The following XKR4 variants were observed in gnomAD, a reference collection of about 807,000 sequenced individuals.
XKR4 encodes XK related 4, also known as XK-related protein 4.
XKR4 carries 12 observed loss-of-function variants against 53.9 expected under a neutral mutation model. The ratio of observed to expected loss-of-function variants is 0.22; its 90% confidence interval spans 0.14 to 0.36. XKR4 has a LOEUF of 0.36. XKR4 is among the 10% of genes least tolerant of loss of function. The pLI is 1.00. For synonymous variants in XKR4, 354 were observed against 362.4 expected, an observed-to-expected ratio of 0.98 and a Z score of 0.26; for missense variants, 799 against 859.5, an observed-to-expected ratio of 0.93 and a Z score of 0.88.
chr8:55,169,588 A>T (rs569184145), intron 1 of XKR4, among the ~76,000 whole-genome samples: 6 of 152,356 alleles, frequency 3.9e-5, no homozygotes, highest in African/African-American at 1.2e-4. Context: ...CCACAAAACC[A>T]TCATGACAGC....
chr8:55,283,897 C>A (rs76730472), intron 1 of XKR4, among the ~76,000 whole-genome samples: 1 of 152,148 alleles, frequency 6.6e-6, no homozygotes, highest in African/African-American at 2.4e-5. Flanking sequence ...ACAAAGGAAG[C>A]AATTGCCCTT....
At chr8:55,138,523 A>C (rs2129353897) in intron 1 of XKR4, among the ~76,000 whole-genome samples, 1 of 152,368 alleles carries the variant, frequency 6.6e-6, no homozygotes, top group African/African-American at 2.4e-5. Context: ...TATTAATATA[A>C]CAGTGGTTGC....
intron 2 of XKR4, chr8:55,449,672 G>GCCTCAA (rs1554526620): frequency 1.1e-6 from 1 of 894,202 alleles, no homozygotes; most frequent in East Asian, 2.4e-5. Context: ...AGGTGCCACA[G>GCCTCAA]CCTCCACCTC....
Position 55,531,617 on chromosome 8 carries a change from A to C in XKR4, c.*7390A>C, listed in dbSNP as rs1159273415. 1.3e-5 allele frequency: 2 copies of C among 152,224 alleles called. No individual in the cohort carries two copies. The highest frequency in any genetic ancestry group is 2.9e-5 in the Non-Finnish European group (2 of 68,034). The allele number at this position is 152,224 out of a possible 1,614,324, so 9.4% of individuals were successfully genotyped here. Reference sequence around the variant, plus strand: ...AATTGATATCACAACACACAAAAAAATTGAAATACTCTCTTGGTGCATAGT... The same window carrying C: ...AATTGATATCACAACACACAAAAAACTTGAAATACTCTCTTGGTGCATAGT... On this transcript the variant is annotated 3_prime_UTR_variant, in exon 3 of 3. Transcript: ENST00000327381.
At chr8:55,244,390 C>G (rs767261322) in intron 1 of XKR4, among the ~76,000 whole-genome samples, 1 of 152,214 alleles carries the variant, frequency 6.6e-6, no homozygotes, top group Admixed American at 6.5e-5. Context: ...CTGCATAGGA[C>G]ATGATCACAT....
At position 55,135,537 on chromosome 8, in the gene XKR4, A is replaced by T. The variant is rs140232501; in HGVS notation, c.806+32243A>T. 261 of 448,358 alleles carry T rather than the reference A, an allele frequency of 5.8e-4. 3 individuals carry two copies. The East Asian group carries it at 0.012, about 21-fold the overall frequency. 27.8% of individuals were successfully genotyped at this position (448,358 alleles called of 1,614,324 possible). ...GTTAACTCTTTTCCCTCAGTTGATG[A>T]CAAGGAGCACAGTCCAACATGTCCA... On this transcript the variant is annotated intron_variant, in intron 1 of 2. Transcript: ENST00000327381.
chr8:55,313,294 T>C (rs1819413227), intron 1 of XKR4, among the ~76,000 whole-genome samples: 1 of 152,224 alleles, frequency 6.6e-6, no homozygotes, highest in African/African-American at 2.4e-5. Flanking sequence ...CAAGGAGCTA[T>C]AACATTGATT....
At chr8:55,307,358 A>G (rs1002261489) in intron 1 of XKR4, among the ~76,000 whole-genome samples, 1 of 152,168 alleles carries the variant, frequency 6.6e-6, no homozygotes, top group Non-Finnish European at 1.5e-5. Context: ...ACTAAACAGC[A>G]TATACAGGAG....
chr8:55,288,171 G>A lies in XKR4; in HGVS notation c.807-69507G>A, dbSNP rs575555276. 2.0e-5 allele frequency among the ~76,000 whole-genome samples: 3 copies of A among 152,334 alleles called. No individual in the cohort carries two copies. In the South Asian group the frequency reaches 6.2e-4, roughly 32 times the overall value. On this transcript the variant is annotated intron_variant, in intron 1 of 2. Coordinates refer to ENST00000327381, the MANE Select transcript of XKR4 (RefSeq NM_052898.2). ...TTGGATACCCCTAGAGTATGGGGAA[G>A]CGTATCAGTTTTCAGAGGCAATGTG...
chr8:55,314,917 T>C (rs1156983554), intron 1 of XKR4, among the ~76,000 whole-genome samples: 1 of 152,136 alleles, frequency 6.6e-6, no homozygotes, highest in Admixed American at 6.5e-5. Flanking sequence ...ACATGGAATG[T>C]GTATCCAGAG....
At chr8:55,451,866 C>T (rs1372400810) in intron 2 of XKR4, 47 of 862,580 alleles carry the variant, frequency 5.4e-5, no homozygotes, top group Admixed American at 3.4e-4. Context: ...AGGCTGAGGA[C>T]GGGGTCAGTG....
chr8:55,237,247 AC>A (rs1176157677), intron 1 of XKR4, among the ~76,000 whole-genome samples: 1 of 152,092 alleles, frequency 6.6e-6, no homozygotes, highest in Non-Finnish European at 1.5e-5. Flanking sequence ...AGGGGCATCA[AC>A]CCCCCACAAA....
chr8:55,378,714 TG>T (rs1482146529), intron 2 of XKR4, among the ~76,000 whole-genome samples: 2 of 152,188 alleles, frequency 1.3e-5, no homozygotes, highest in Non-Finnish European at 2.9e-5. Flanking sequence ...AAATGGAGAA[TG>T]GGAAGTCAAT....
At chr8:55,523,205 C>G in intron 2 of XKR4, 76 bp from the exon 3 acceptor site, 1 of 1,364,244 alleles carries the variant, frequency 7.3e-7, no homozygotes, top group Non-Finnish European at 9.9e-7. Flanking sequence ...TCCCCAAGCC[C>G]CCAGCTCTGT....
chr8:55,327,361 A>G (rs1803309697), intron 1 of XKR4, among the ~76,000 whole-genome samples: 1 of 152,166 alleles, frequency 6.6e-6, no homozygotes, highest in Admixed American at 6.5e-5. Flanking sequence ...GCCAAAAAAA[A>G]AAAAACTTTT....
rs556351128 is a variant in XKR4 at position 55,237,356 on chromosome 8, T to C, written c.807-120322T>C. Among the ~76,000 whole-genome samples the C allele has an allele frequency of 1.1e-4, 17 of 152,314 alleles. No homozygotes were observed. The East Asian group carries it at 3.3e-3, about 29-fold the overall frequency. On this transcript the variant is annotated intron_variant, in intron 1 of 2. Coordinates refer to ENST00000327381, the MANE Select transcript of XKR4 (RefSeq NM_052898.2). Reference sequence around the variant, plus strand: ...ATAACATAAACAGTGGATTAACATATAATTTGTACATTGTATGTATTATAT... The same window carrying C: ...ATAACATAAACAGTGGATTAACATACAATTTGTACATTGTATGTATTATAT...
chr8:55,160,922 A>G (rs1347051086), intron 1 of XKR4, among the ~76,000 whole-genome samples: 1 of 152,246 alleles, frequency 6.6e-6, no homozygotes, highest in Non-Finnish European at 1.5e-5. Context: ...TTTGAAGGCA[A>G]CATCTGGTGT....
intron 2 of XKR4, among the ~76,000 whole-genome samples, chr8:55,503,467 T>G (rs1443871378): frequency 6.6e-6 from 1 of 152,180 alleles, no homozygotes; most frequent in African/African-American, 2.4e-5. Flanking sequence ...TTTCTTAATT[T>G]CCTTTTCATG....
rs1159520228 is a variant in XKR4, at chr8:55,530,073, A to T, written c.*5846A>T. 1.3e-5 allele frequency: 2 copies of T among 151,850 alleles called. No homozygotes were observed. Among genetic ancestry groups the T allele is most frequent in the African/African-American group, 4.8e-5 (2 of 41,320 alleles). 9.4% of individuals were successfully genotyped at this position (151,850 alleles called of 1,614,324 possible). On this transcript the variant is annotated 3_prime_UTR_variant, in exon 3 of 3. Coordinates refer to ENST00000327381, the MANE Select transcript of XKR4 (RefSeq NM_052898.2). ...GACTGAAAAAAAACTAAACCCCATT[A>T]CTTACTTTGGCATTTTGACAAGATA...
Sources: gnomAD v4.1 joint callset for allele counts (sites outside exome capture counted in the v4.1 genomes callset) on GRCh38, gnomAD v4.1.1 for gene constraint, MANE v1.5 for transcripts, NCBI Gene and HGNC (gene_info 2026-07-23, HGNC 2026-07-21) for gene names.